Variants in CYP39A1 observed in about 807,000 individuals in gnomAD.
CYP39A1 encodes the protein cytochrome P450 family 39 subfamily A member 1, also known as 24-hydroxycholesterol 7-alpha-hydroxylase.
Under a neutral mutation model 58.1 loss-of-function variants are expected in CYP39A1, and 49 were observed. The ratio of observed to expected loss-of-function variants is 0.84; its 90% CI spans 0.67 to 1.07. The LOEUF (loss-of-function observed/expected upper bound fraction) is 1.07, where lower values mean the gene tolerates loss of function less well. Ranked by LOEUF, CYP39A1 falls within the 50% of genes least tolerant of loss-of-function variation. CYP39A1 has a pLI of 0.00. For synonymous variants in CYP39A1, 209 were observed against 187.6 expected, an observed-to-expected ratio of 1.11 and a Z score of -0.93; for missense variants, 531 against 539.4, an observed-to-expected ratio of 0.98 and a Z score of 0.16.
At chr6:46,618,042 G>T (rs1489907481) in intron 7 of CYP39A1, among the ~76,000 whole-genome samples, 1 of 152,090 alleles carries the variant, frequency 6.6e-6, no homozygotes, top group East Asian at 1.9e-4. Context: ...TTTGGAAGTA[G>T]AAAAACTCAA....
At chr6:46,596,639 CT>C (rs1204415816) in intron 7 of CYP39A1, among the ~76,000 whole-genome samples, 1 of 151,612 alleles carries the variant, frequency 6.6e-6, no homozygotes, top group African/African-American at 2.4e-5. Flanking sequence ...AGTATCTGAG[CT>C]GGAAGAATGA....
At chr6:46,631,691 C>A (rs1775670552) in intron 5 of CYP39A1, among the ~76,000 whole-genome samples, 1 of 152,134 alleles carries the variant, frequency 6.6e-6, no homozygotes, top group African/African-American at 2.4e-5. Context: ...AACTGCCAAG[C>A]CAGAATATTA....
intron 3 of CYP39A1, among the ~76,000 whole-genome samples, chr6:46,638,953 T>A (rs1399644271): frequency 6.6e-6 from 1 of 152,224 alleles, no homozygotes; most frequent in Non-Finnish European, 1.5e-5. Context: ...CTTCCCTGTC[T>A]CTTGGGATCT....
intron 6 of CYP39A1, among the ~76,000 whole-genome samples, chr6:46,627,208 C>G (rs4711859): frequency 2.6e-5 from 4 of 152,264 alleles, no homozygotes; most frequent in African/African-American, 9.6e-5. Flanking sequence ...AGGTCCCTCC[C>G]TTTACATGTG....
intron 1 of CYP39A1, among the ~76,000 whole-genome samples, chr6:46,643,546 C>T (rs1776473077): frequency 6.6e-6 from 1 of 152,192 alleles, no homozygotes; most frequent in East Asian, 1.9e-4. Flanking sequence ...TAGAAGATGA[C>T]TCATTTTCAT....
At chr6:46,607,514 G>A (rs1029842112) in intron 7 of CYP39A1, among the ~76,000 whole-genome samples, 4 of 151,238 alleles carry the variant, frequency 2.6e-5, no homozygotes, top group African/African-American at 9.7e-5. Flanking sequence ...GACATAGTAA[G>A]TAAATAAATA....
chr6:46,600,817 A>G (rs1354223581), intron 7 of CYP39A1, among the ~76,000 whole-genome samples: 2 of 152,192 alleles, frequency 1.3e-5, no homozygotes, highest in East Asian at 3.9e-4. Context: ...GTAATGAACC[A>G]GAAATAGTAA....
At chr6:46,645,448 T>C (rs80321444) in intron 1 of CYP39A1, among the ~76,000 whole-genome samples, 2,198 of 152,250 alleles carry the variant, frequency 0.014, 26 homozygotes, top group Non-Finnish European at 0.022. Flanking sequence ...CTTTATTTCA[T>C]TGAGTTGTTT....
chr6:46,564,106 T>A (rs1311722951), intron 10 of CYP39A1, among the ~76,000 whole-genome samples: 1 of 134,434 alleles, frequency 7.4e-6, no homozygotes, highest in African/African-American at 3.6e-5. Flanking sequence ...TTTGTATTTT[T>A]TTTATTTTAT....
intron 10 of CYP39A1, among the ~76,000 whole-genome samples, chr6:46,581,034 T>C (rs1772103382): frequency 6.6e-6 from 1 of 152,160 alleles, no homozygotes; most frequent in Non-Finnish European, 1.5e-5. Context: ...ACACATTCAT[T>C]CATAGGTTCA....
At chr6:46,626,619 C>T (rs983120616) in intron 6 of CYP39A1, among the ~76,000 whole-genome samples, 2 of 152,058 alleles carry the variant, frequency 1.3e-5, no homozygotes, top group African/African-American at 2.4e-5. Context: ...TTTACATAAA[C>T]GATGTGAATA....
At chr6:46,582,659 T>C (rs1221087153) in intron 10 of CYP39A1, among the ~76,000 whole-genome samples, 1 of 152,086 alleles carries the variant, frequency 6.6e-6, no homozygotes, top group Admixed American at 6.6e-5. Context: ...CTGGCATTTG[T>C]CATGTGCCAT....
intron 11 of CYP39A1, 123 bp downstream of exon 11, chr6:46,553,633 CTAAGGCACCTG>C (rs1217585014): frequency 2.7e-5 from 18 of 676,156 alleles, no homozygotes; most frequent in Middle Eastern, 3.5e-4. Context: ...CTGGTTCAAT[CTAAGGCACCTG>C]TTAAGATCAG....
intron 10 of CYP39A1, among the ~76,000 whole-genome samples, chr6:46,586,686 C>A (rs561210364): frequency 2.0e-5 from 3 of 152,084 alleles, no homozygotes; most frequent in Non-Finnish European, 4.4e-5. Context: ...ATGCTCCAAG[C>A]CAAAGATTTT....
intron 10 of CYP39A1, among the ~76,000 whole-genome samples, chr6:46,562,443 C>T (rs1771031825): frequency 6.6e-6 from 1 of 151,860 alleles, no homozygotes; most frequent in Admixed American, 6.6e-5. Context: ...TCATATAGTA[C>T]ATCATAATTT....
At chr6:46,649,186 C>T (rs1190308334) in intron 1 of CYP39A1, among the ~76,000 whole-genome samples, 1 of 152,224 alleles carries the variant, frequency 6.6e-6, no homozygotes, top group Non-Finnish European at 1.5e-5. Context: ...TCACAGGCTA[C>T]TGGATTGAAG....
chr6:46,563,096 GT>G (rs1333949355), intron 10 of CYP39A1, among the ~76,000 whole-genome samples: 43 of 143,470 alleles, frequency 3.0e-4, no homozygotes, highest in African/African-American at 9.5e-4. Context: ...CACCACTAAA[GT>G]TTTTTTCTTT....
At position 46,562,353 on chromosome 6, in the gene CYP39A1, C is replaced by CA. The variant is rs796513812; in HGVS notation, c.1251-8500dup. ...GAGTAGATTTTAAGTGTTCTCACCTCAAAAAAAAAAGTATGTGACATAATG... is the reference window on the plus strand; with the variant it reads ...GAGTAGATTTTAAGTGTTCTCACCTCAAAAAAAAAAAGTATGTGACATAATG... On this transcript the variant is annotated intron_variant, in intron 10 of 11. Transcript: ENST00000275016. 8.6e-3 allele frequency among the ~76,000 whole-genome samples: 1,264 copies of CA among 146,962 alleles called. 24 individuals are homozygous for CA. Among genetic ancestry groups the CA allele is most frequent in the African/African-American group, 0.029 (1,183 of 40,232 alleles).
intron 7 of CYP39A1, among the ~76,000 whole-genome samples, chr6:46,605,186 C>T (rs185422646): frequency 6.6e-6 from 1 of 152,170 alleles, no homozygotes; most frequent in East Asian, 1.9e-4. Context: ...CACTGCCTAG[C>T]AGTATATATG....
Sources: allele counts gnomAD v4.1 joint callset (sites outside exome capture counted in the v4.1 genomes callset), GRCh38; gene constraint gnomAD v4.1.1; transcripts MANE v1.5; gene names NCBI Gene and HGNC (gene_info 2026-07-23, HGNC 2026-07-21).